ADGRG3: variants seen among roughly 807,000 people sequenced by gnomAD.
ADGRG3 encodes the protein G protein-coupled receptor 97.
In ADGRG3, 39 loss-of-function variants were observed where a neutral mutation model predicts 54.3. The observed-to-expected ratio is 0.72, with a 90% CI of 0.56 to 0.94. The LOEUF (loss-of-function observed/expected upper bound fraction) is 0.94. Among genes scored for constraint, ADGRG3 ranks in the 40% least tolerant of loss-of-function variants. ADGRG3 has a pLI of 0.00. For missense variants in ADGRG3, 654 were observed against 694.6 expected, an observed-to-expected ratio of 0.94 and a Z score of 0.66; for synonymous variants, 312 against 290.0, an observed-to-expected ratio of 1.08 and a Z score of -0.77.
intron 1 of ADGRG3, among the ~76,000 whole-genome samples, chr16:57,669,416 C>T (rs2148691013): frequency 6.6e-6 from 1 of 152,322 alleles, no homozygotes; most frequent in East Asian, 1.9e-4. Context: ...TGGTACAGAG[C>T]AGGCCACCAG....
chr16:57,667,855 C>T (rs1189355838), upstream of ADGRG3, among the ~76,000 whole-genome samples: 7 of 152,370 alleles, frequency 4.6e-5, no homozygotes, highest in Non-Finnish European at 8.8e-5. Flanking sequence ...CAGCTTGTTG[C>T]AGGTCTCATC....
chr16:57,678,651 G>A, intron 4 of ADGRG3: 2 of 387,200 alleles, frequency 5.2e-6, no homozygotes, highest in South Asian at 2.9e-5. Flanking sequence ...GCACGCACAA[G>A]CCCATGTACT....
Position 57,685,763 on chromosome 16 carries a change from C to T in ADGRG3, c.1377C>T (p.Thr459=), listed in dbSNP as rs773956428. 1.4e-5 allele frequency: 23 copies of T among 1,614,206 alleles called. No individual in the cohort carries two copies. Among genetic ancestry groups the T allele is most frequent in the Non-Finnish European group, 1.9e-5 (23 of 1,180,042 alleles). Residue 459 remains threonine (T), a synonymous_variant, in exon 11 of 12, where the codon ACC becomes ACT. Coordinates refer to ENST00000333493, the MANE Select transcript of ADGRG3 (RefSeq NM_170776.5). The part of the protein sequence containing the change: ...VLALVVWKIF[T]LSRATAVKER... ...CCCTGGTGGTCTGGAAGATCTTCAC[C>T]CTGTCCCGTGCTACAGCGGTCAAGG... is the stretch of plus-strand genomic sequence containing the variant.
intron 1 of ADGRG3, among the ~76,000 whole-genome samples, chr16:57,668,768 T>C (rs1274623580): frequency 6.6e-6 from 1 of 152,160 alleles, no homozygotes; most frequent in African/African-American, 2.4e-5. Context: ...TCCAGCTGGC[T>C]TGTGAGATCC....
At chr16:57,672,529 A>AT (rs1431154382) in intron 1 of ADGRG3, among the ~76,000 whole-genome samples, 1 of 152,184 alleles carries the variant, frequency 6.6e-6, no homozygotes, top group Non-Finnish European at 1.5e-5. Flanking sequence ...TCCTTCCCAA[A>AT]ACTTGCAAGG....
At chr16:57,684,662 G>A (rs1423088357) in intron 10 of ADGRG3, among the ~76,000 whole-genome samples, 179 bp downstream of exon 10, 2 of 152,186 alleles carry the variant, frequency 1.3e-5, no homozygotes, top group Non-Finnish European at 2.9e-5. Flanking sequence ...AGCCTAGAGA[G>A]AGAGAGGGGA....
rs2048097985 is a variant in ADGRG3 at position 57,668,756 on chromosome 16, T to C, written c.58+351T>C. On this transcript the variant is annotated intron_variant, in intron 1 of 11. Transcript: ENST00000333493. ...CAGGGGTTGGCCCCGGGCAGGCAAT[T>C]CTCCAGCTGGCTTGTGAGATCCTGG... Among the ~76,000 whole-genome samples the C allele has an allele frequency of 2.6e-5, 4 of 152,166 alleles. No homozygotes were observed. The South Asian group carries it at 8.3e-4, about 32-fold the overall frequency.
In ADGRG3 at chr16:57,684,446, A is replaced by C. The variant is rs1409372356; in HGVS notation, c.1219A>C (p.Thr407Pro). 1 of 1,613,776 alleles carries C rather than the reference A, an allele frequency of 6.2e-7. No homozygotes were observed. The highest frequency in any genetic ancestry group is 8.5e-7 in the Non-Finnish European group (1 of 1,179,916). ...TGSANSYGLY[T>P]IRDRENRTSL... ...GAGTGCCAACAGCTACGGCCTCTAC[A>C]CCATCCGTGATAGGGAGAACCGCAC... The change falls in exon 10 of 12, where the codon ACC becomes CCC. Residue 407 changes from threonine (T) to proline (P), a missense_variant. By Grantham distance (38) the Thr-to-Pro change is conservative (BLOSUM62 -1). Transcript: ENST00000333493.
intron 1 of ADGRG3, among the ~76,000 whole-genome samples, chr16:57,672,555 C>T (rs1294509724): frequency 6.6e-6 from 1 of 152,140 alleles, no homozygotes; most frequent in Admixed American, 6.6e-5. Context: ...ATTATTAGCT[C>T]CATTTTGCTG....
chr16:57,682,596 A>G (rs2048394387), intron 8 of ADGRG3: 3 of 985,288 alleles, frequency 3.0e-6, no homozygotes, highest in Non-Finnish European at 3.6e-6. Context: ...AATTACCACC[A>G]GCTCCCCAGG....
At chr16:57,673,906 A>T (rs1350659521) in intron 2 of ADGRG3, among the ~76,000 whole-genome samples, 1 of 152,180 alleles carries the variant, frequency 6.6e-6, no homozygotes, top group Non-Finnish European at 1.5e-5. Flanking sequence ...ACTTGAAAGT[A>T]ATGGGGGATA....
At position 57,676,003 on chromosome 16, in the gene ADGRG3, A is replaced by G. The variant is rs374055467; in HGVS notation, c.207-197A>G. On this transcript the variant is annotated intron_variant, in intron 2 of 11. Transcript: ENST00000333493. ...TATGCACAAAAAAAGACAAACACAT[A>G]AAATACTCAGAGGGACGCCTAGCTG... Among the ~76,000 whole-genome samples the G allele has an allele frequency of 1.2e-4, 19 of 152,354 alleles. No individual in the cohort carries two copies. The South Asian group carries it at 3.9e-3, about 32-fold the overall frequency.
chr16:57,684,118 G>A lies in ADGRG3; in HGVS notation c.1068G>A (p.Met356Ile). 2 of 1,614,094 alleles carry A rather than the reference G, an allele frequency of 1.2e-6. No individual in the cohort carries two copies. The highest frequency in any genetic ancestry group is 8.5e-7 in the Non-Finnish European group (1 of 1,179,976). Residue 356 changes from methionine to isoleucine, a missense_variant, in exon 9 of 12, where the codon ATG becomes ATA. Physicochemically the swap from Met to Ile is conservative, Grantham distance 10. Coordinates refer to ENST00000333493, the MANE Select transcript of ADGRG3 (RefSeq NM_170776.5). ...HYFLLCAFTW[M>I]GLEAFHLYLL... ...TCCTGCTCTGTGCCTTCACCTGGAT[G>A]GGCCTTGAAGCCTTCCACCTCTACC...
In ADGRG3 at chr16:57,671,338, T is replaced by G. The variant is rs1157032543; in HGVS notation, c.59-1983T>G. The stretch of plus-strand genomic sequence containing the variant: ...AGAAAGTCCTAGAATAGGAGTTTTT[T>G]TTTTTTTTTTTTTTTTTTTCGAGAC... On this transcript the variant is annotated intron_variant, in intron 1 of 11. Coordinates refer to ENST00000333493, the MANE Select transcript of ADGRG3 (RefSeq NM_170776.5). 9.7e-5 allele frequency among the ~76,000 whole-genome samples: 14 copies of G among 144,330 alleles called. 1 individual carries two copies. The South Asian group carries it at 3.0e-3, about 31-fold the overall frequency. 94.7% of individuals were successfully genotyped at this position (144,330 alleles called of 152,430 possible). A position where few individuals can be genotyped will look rare whatever the true frequency, so the allele number is the denominator to read the frequency against.
intron 2 of ADGRG3, 40 bp downstream of exon 2, chr16:57,673,508 G>T (rs1451769939): frequency 6.4e-7 from 1 of 1,573,512 alleles, no homozygotes; most frequent in East Asian, 2.3e-5. Flanking sequence ...ATCTGAAGCT[G>T]CTGGGAGGAG....
chr16:57,678,337 C>T, intron 4 of ADGRG3, 21 bp downstream of exon 4: 11 of 1,613,522 alleles, frequency 6.8e-6, no homozygotes, highest in Non-Finnish European at 9.3e-6. Context: ...AGGGAAGCTC[C>T]AAGGTTAAGT....
intron 1 of ADGRG3, among the ~76,000 whole-genome samples, chr16:57,672,084 G>A (rs1011118130): frequency 2.6e-5 from 4 of 152,208 alleles, no homozygotes; most frequent in Non-Finnish European, 4.4e-5. Context: ...GGAGGCTGAG[G>A]TTGGAGGATC....
chr16:57,672,356 CT>C (rs1338853409), intron 1 of ADGRG3, among the ~76,000 whole-genome samples: 8 of 152,092 alleles, frequency 5.3e-5, no homozygotes, highest in Non-Finnish European at 7.4e-5. Context: ...TGAGAACCCC[CT>C]CTTCTTAATT....
At chr16:57,686,086 C>A in intron 11 of ADGRG3, 160 bp downstream of exon 11, 1 of 706,472 alleles carries the variant, frequency 1.4e-6, no homozygotes, top group Non-Finnish European at 2.4e-6. Flanking sequence ...TCCAGGGCAG[C>A]AAAGTTTGGC....
Sources: allele counts gnomAD v4.1 joint callset (sites outside exome capture counted in the v4.1 genomes callset), GRCh38; gene constraint gnomAD v4.1.1; transcripts MANE v1.5; gene names NCBI Gene and HGNC (gene_info 2026-07-23, HGNC 2026-07-21).